CELF2: variants seen among roughly 807,000 people sequenced by gnomAD.
CELF2 encodes CUGBP Elav-like family member 2.
Under a neutral mutation model 62.6 loss-of-function variants are expected in CELF2, and 8 were observed. The ratio of observed to expected loss-of-function variants is 0.13; its 90% confidence interval spans 0.07 to 0.23. The LOEUF (loss-of-function observed/expected upper bound fraction) is 0.23. CELF2 is among the 10% of genes least tolerant of loss of function. The pLI, the probability that CELF2 is intolerant of heterozygous loss-of-function variation, is 1.00. For missense variants in CELF2, 333 were observed against 671.0 expected (o/e 0.50, Z 5.56); for synonymous variants, 258 against 250.0 (o/e 1.03, Z -0.30).
At chr10:10,904,180 CTTA>C (rs1298622475) in intron 1 of CELF2, among the ~76,000 whole-genome samples, 1 of 151,942 alleles carries the variant, frequency 6.6e-6, no homozygotes, top group Non-Finnish European at 1.5e-5. Flanking sequence ...TATTCTGTAT[CTTA>C]TTATTTTTAT....
chr10:10,675,598 A>G, the CELF2 span, among the ~76,000 whole-genome samples: 2 of 151,128 alleles, frequency 1.3e-5, no homozygotes, highest in African/African-American at 4.9e-5. Flanking sequence ...CTTTTTACAC[A>G]TTTTATGTCT....
rs575677918 is a variant in CELF2, at chr10:10,883,255, A to T, written c.54-36709A>T. On this transcript the variant is annotated intron_variant, in intron 1 of 13. Transcript: ENST00000636488. Reference sequence around the variant, plus strand: ...ATGTACATGTTTAAAAACCTACAGAAAAATAATGAGGCTAAATGTTAATTG... The same window carrying T: ...ATGTACATGTTTAAAAACCTACAGATAAATAATGAGGCTAAATGTTAATTG... Among the ~76,000 whole-genome samples the T allele has an allele frequency of 5.9e-5, 9 of 152,350 alleles. No homozygotes were observed. In the East Asian group the frequency reaches 1.5e-3, roughly 26 times the overall value.
intron 2 of CELF2, among the ~76,000 whole-genome samples, chr10:10,943,970 G>A (rs905856198): frequency 1.3e-5 from 2 of 152,158 alleles, no homozygotes; most frequent in Non-Finnish European, 2.9e-5. Flanking sequence ...GCCTTAAAAA[G>A]TAGTTCTCTA....
At chr10:10,575,882 C>G in the CELF2 span, among the ~76,000 whole-genome samples, 3 of 152,162 alleles carry the variant, frequency 2.0e-5, no homozygotes, top group African/African-American at 7.2e-5. Flanking sequence ...TTCAAGATCA[C>G]AGTAGAGGAA....
chr10:11,057,910 C>A (rs780576888), intron 1 of CELF2, among the ~76,000 whole-genome samples: 2 of 152,242 alleles, frequency 1.3e-5, no homozygotes, highest in South Asian at 2.1e-4. Context: ...AAGAGAAGTT[C>A]TACTTTCTAC....
chr10:10,473,768 AT>A, the CELF2 span, among the ~76,000 whole-genome samples: 1 of 152,090 alleles, frequency 6.6e-6, no homozygotes, highest in African/African-American at 2.4e-5. Flanking sequence ...GTACTAAATT[AT>A]TGGTCCAGAG....
Position 11,207,229 on chromosome 10 carries a change from A to G in CELF2, c.272-10196A>G, listed in dbSNP as rs2060637175. On this transcript the variant is annotated intron_variant, in intron 2 of 12. Transcript: ENST00000633077. This position sits in a 1 kb window ranked among gnomAD's most constrained non-coding sequence, Gnocchi z 4.1. ...GCTTTCCCAAGAGGCTTGAAAATGC[A>G]GTCGATTTAATCTAGGTCAAAAGGA... Among the ~76,000 whole-genome samples the G allele has an allele frequency of 1.3e-5, 2 of 152,224 alleles. No homozygotes were observed. Among genetic ancestry groups the G allele is most frequent in the African/African-American group, 2.4e-5 (1 of 41,456 alleles).
chr10:10,756,721 A>G, the CELF2 span, among the ~76,000 whole-genome samples: 1 of 151,986 alleles, frequency 6.6e-6, no homozygotes, highest in African/African-American at 2.4e-5. Flanking sequence ...ACTCTATTCC[A>G]TTCATTTGTG....
Position 11,270,852 on chromosome 10 carries a change from C to A in CELF2, c.777+28C>A. The A allele has an allele frequency of 7.4e-7, 1 of 1,347,258 alleles. No homozygotes were observed. The highest frequency in any genetic ancestry group is 2.2e-5 in the South Asian group (1 of 44,642). 83.5% of individuals were successfully genotyped at this position (1,347,258 alleles called of 1,614,324 possible). A position where few individuals can be genotyped will look rare whatever the true frequency, so the allele number is the denominator to read the frequency against. ...AAGTGCTGGGCAATGCCGGCGTGGT[C>A]TTCACCCGCTGAAACTCTGCAAACT... On this transcript the variant is annotated intron_variant, in intron 7 of 12. Coordinates refer to ENST00000633077, the MANE Select transcript of CELF2 (RefSeq NM_001326342.2). The surrounding 1 kb of genome is among the most constrained non-coding windows in gnomAD (Gnocchi z 5.8).
intron 1 of CELF2, among the ~76,000 whole-genome samples, chr10:10,846,369 CA>C: frequency 6.6e-6 from 1 of 152,258 alleles, no homozygotes; most frequent in South Asian, 2.1e-4. Flanking sequence ...TTCCCTCTAT[CA>C]ACAGAGCAGC....
At chr10:10,727,915 C>T in the CELF2 span, among the ~76,000 whole-genome samples, 1 of 151,934 alleles carries the variant, frequency 6.6e-6, no homozygotes, top group Non-Finnish European at 1.5e-5. Flanking sequence ...CTACAATAAG[C>T]CTGGCACGGA....
In CELF2 at chr10:11,098,327, C is replaced by T. The variant is rs1288215180; in HGVS notation, c.75-67159C>T. The T allele has an allele frequency of 7.9e-5, 12 of 152,260 alleles. No homozygotes were observed. Among genetic ancestry groups the T allele is most frequent in the Admixed American group, 7.8e-4 (12 of 15,288 alleles). 9.4% of individuals were successfully genotyped at this position (152,260 alleles called of 1,614,324 possible). ...TTCAGGAGCCAGTGTGTTCTTTCCT[C>T]TGGTTCAGCAGAGAGCAGTAGACCC... On this transcript the variant is annotated intron_variant, in intron 1 of 12. Coordinates refer to ENST00000633077, the MANE Select transcript of CELF2 (RefSeq NM_001326342.2). The surrounding 1 kb of genome is among the most constrained non-coding windows in gnomAD (Gnocchi z 4.0).
At chr10:11,036,923 C>T (rs1241170375) in intron 1 of CELF2, among the ~76,000 whole-genome samples, 1 of 152,204 alleles carries the variant, frequency 6.6e-6, no homozygotes, top group African/African-American at 2.4e-5. Context: ...GATTATCCTT[C>T]ATTACCCCTC....
At chr10:10,614,767 G>T in the CELF2 span, among the ~76,000 whole-genome samples, 2 of 152,140 alleles carry the variant, frequency 1.3e-5, no homozygotes, top group African/African-American at 4.8e-5. Context: ...ACCGATTGGA[G>T]GTTGGATAGT....
chr10:10,689,625 C>T, the CELF2 span, among the ~76,000 whole-genome samples: 1 of 152,114 alleles, frequency 6.6e-6, no homozygotes, highest in Non-Finnish European at 1.5e-5. Context: ...TTTATGACAA[C>T]GAATTTACTC....
At chr10:10,573,509 T>TG in the CELF2 span, among the ~76,000 whole-genome samples, 2 of 152,166 alleles carry the variant, frequency 1.3e-5, no homozygotes, top group Non-Finnish European at 2.9e-5. Flanking sequence ...TGTTTTTCTT[T>TG]GGGGTGGTAA....
At chr10:10,528,821 G>A in the CELF2 span, among the ~76,000 whole-genome samples, 1 of 152,192 alleles carries the variant, frequency 6.6e-6, no homozygotes, top group South Asian at 2.1e-4. Flanking sequence ...ATCTTCAAAG[G>A]AAGAATTTGT....
In CELF2 at chr10:10,931,371, G is replaced by A. The variant is rs112142385; in HGVS notation, c.89+11372G>A. The stretch of plus-strand genomic sequence containing the variant: ...TGCTTGTCATGCTGGCTGGGGGTGG[G>A]GGGTGTAACTTTAAGGAATAATGCC... On this transcript the variant is annotated intron_variant, in intron 2 of 13. Coordinates refer to the CELF2 transcript ENST00000636488. The surrounding 1 kb of genome is among the most constrained non-coding windows in gnomAD (Gnocchi z 6.1). 3.3e-3 allele frequency among the ~76,000 whole-genome samples: 505 copies of A among 152,126 alleles called. 2 individuals carry two copies. The highest frequency in any genetic ancestry group is 5.5e-3 in the Non-Finnish European group (372 of 67,996).
chr10:11,228,319 A>G (rs559236364), intron 3 of CELF2, among the ~76,000 whole-genome samples: 5 of 152,216 alleles, frequency 3.3e-5, no homozygotes, highest in Non-Finnish European at 7.3e-5. Context: ...CTTTATATAT[A>G]CTTGATCTCA....
Sources: gnomAD v4.1 joint callset for allele counts (sites outside exome capture counted in the v4.1 genomes callset) on GRCh38, gnomAD v4.1.1 for gene constraint, Gnocchi (gnomAD v3.1) non-coding constraint, MANE v1.5 for transcripts, NCBI Gene and HGNC (gene_info 2026-07-23, HGNC 2026-07-21) for gene names.